BASP1: variants seen among roughly 807,000 people sequenced by gnomAD.
BASP1 encodes brain abundant membrane attached signal protein 1.
In BASP1, 1 loss-of-function variant was observed where a neutral mutation model predicts 2.2. The ratio of observed to expected loss-of-function variants is 0.46; its 90% CI spans 0.16 to 2.17. The LOEUF (loss-of-function observed/expected upper bound fraction) is 2.17. Ranked by LOEUF, BASP1 falls within the 30% of genes most tolerant of loss-of-function variation. The probability of loss-of-function intolerance (pLI) is 0.27; values close to 1 mark genes in which losing one functional copy is unlikely to be tolerated. For missense variants in BASP1, 352 were observed against 327.2 expected, an observed-to-expected ratio of 1.08 and a Z score of -0.58; for synonymous variants, 187 against 154.2, an observed-to-expected ratio of 1.21 and a Z score of -1.58.
intron 1 of BASP1, among the ~76,000 whole-genome samples, chr5:17,240,133 G>GATAAATAA (rs55977756): frequency 0.036 from 5,222 of 146,034 alleles, 100 homozygotes; most frequent in South Asian, 0.042. Flanking sequence ...TAAAAATAAA[G>GATAAATAA]ATAAATAAAT....
chr5:17,217,912 T>C (rs879383323), intron 1 of BASP1, 102 bp downstream of exon 1: 11 of 152,086 alleles, frequency 7.2e-5, no homozygotes, highest in Admixed American at 4.6e-4. Flanking sequence ...TCTCCCTTCA[T>C]GCAGCGGGCA....
At chr5:17,272,002 G>A (rs927824962) in intron 1 of BASP1, among the ~76,000 whole-genome samples, 1 of 151,126 alleles carries the variant, frequency 6.6e-6, no homozygotes, top group African/African-American at 2.4e-5. Context: ...GGAGGCGGAG[G>A]TTGCAGTGAG....
intron 1 of BASP1, among the ~76,000 whole-genome samples, chr5:17,222,430 CGCCTTTCCA>C (rs534023663): frequency 2.5e-4 from 38 of 152,300 alleles, no homozygotes; most frequent in African/African-American, 7.7e-4. Context: ...TTTTGTGAAA[CGCCTTTCCA>C]GCCACAGCCT....
At chr5:17,258,860 C>A (rs1740262228) in intron 1 of BASP1, among the ~76,000 whole-genome samples, 1 of 152,084 alleles carries the variant, frequency 6.6e-6, no homozygotes, top group Non-Finnish European at 1.5e-5. Context: ...AAGTGTGGAG[C>A]AGAAAGTGAG....
At chr5:17,238,568 C>A (rs535096284) in intron 1 of BASP1, among the ~76,000 whole-genome samples, 26 of 152,152 alleles carry the variant, frequency 1.7e-4, no homozygotes, top group Non-Finnish European at 3.5e-4. Flanking sequence ...CGCCTGATCC[C>A]CAGATAGTCT....
At chr5:17,271,253 C>G (rs569377714) in intron 1 of BASP1, among the ~76,000 whole-genome samples, 1 of 152,298 alleles carries the variant, frequency 6.6e-6, no homozygotes, top group South Asian at 2.1e-4. Context: ...TCCCCAGTAG[C>G]TGGGATGATA....
intron 1 of BASP1, among the ~76,000 whole-genome samples, chr5:17,235,936 T>A (rs1483366183): frequency 6.6e-6 from 1 of 152,228 alleles, no homozygotes. Flanking sequence ...TCTTTATGAA[T>A]CACTGCTTTA....
chr5:17,275,974 T>TC lies in BASP1; in HGVS notation c.*75dup, dbSNP rs1237083590. 7.9e-7 allele frequency: 1 copy of TC among 1,269,152 alleles called. No individual in the cohort carries two copies. The allele number at this position is 1,269,152 out of a possible 1,614,324, so 78.6% of individuals were successfully genotyped here. A position where few individuals can be genotyped will look rare whatever the true frequency, so the allele number is the denominator to read the frequency against. ...CTCTCTCTCTCTCTCTCTCTCTATCTCTCTCTCTATCTCCTCTCTCTCTCT... is the reference window on the plus strand; with the variant it reads ...CTCTCTCTCTCTCTCTCTCTCTATCTCCTCTCTCTATCTCCTCTCTCTCTCT... On this transcript the variant is annotated 3_prime_UTR_variant, in exon 2 of 2. Coordinates refer to ENST00000322611, the MANE Select transcript of BASP1 (RefSeq NM_006317.5). This position sits in a 1 kb window ranked among gnomAD's most constrained non-coding sequence, Gnocchi z 5.3.
At chr5:17,235,295 C>T (rs573716223) in intron 1 of BASP1, among the ~76,000 whole-genome samples, 4 of 149,940 alleles carry the variant, frequency 2.7e-5, no homozygotes, top group African/African-American at 9.8e-5. Context: ...GAGTCTCACT[C>T]TGTCACCCAG....
At chr5:17,266,627 T>C (rs1199917066) in intron 1 of BASP1, among the ~76,000 whole-genome samples, 1 of 151,998 alleles carries the variant, frequency 6.6e-6, no homozygotes, top group Admixed American at 6.6e-5. Flanking sequence ...GCCAACATGG[T>C]GAAACCCCGT....
chr5:17,245,694 A>G (rs2126503752), intron 1 of BASP1, among the ~76,000 whole-genome samples: 1 of 150,648 alleles, frequency 6.6e-6, no homozygotes, highest in South Asian at 2.1e-4. Flanking sequence ...TGTTTGGCTT[A>G]CTTTTTTAAA....
intron 1 of BASP1, among the ~76,000 whole-genome samples, chr5:17,237,929 A>G (rs1482548127): frequency 6.6e-6 from 1 of 152,028 alleles, no homozygotes; most frequent in African/African-American, 2.4e-5. Context: ...TTGCTTTCTA[A>G]AGTAAGATTA....
At chr5:17,246,782 G>A (rs1244524444) in intron 1 of BASP1, among the ~76,000 whole-genome samples, 1 of 152,222 alleles carries the variant, frequency 6.6e-6, no homozygotes, top group African/African-American at 2.4e-5. Context: ...TCTGTGGAAA[G>A]TCTTTTTGAA....
chr5:17,255,385 T>C (rs1030243076), intron 1 of BASP1, among the ~76,000 whole-genome samples: 1 of 152,212 alleles, frequency 6.6e-6, no homozygotes, highest in African/African-American at 2.4e-5. Flanking sequence ...AAAACTATAA[T>C]AAGTTCACTA....
intron 1 of BASP1, among the ~76,000 whole-genome samples, chr5:17,249,392 G>C (rs1039229259): frequency 1.3e-5 from 2 of 152,132 alleles, no homozygotes; most frequent in Admixed American, 1.3e-4. Flanking sequence ...GGCCTTCTGC[G>C]TGGTAGATCC....
intron 1 of BASP1, among the ~76,000 whole-genome samples, chr5:17,262,355 G>C (rs929677217): frequency 3.3e-5 from 5 of 152,130 alleles, no homozygotes; most frequent in Non-Finnish European, 5.9e-5. Context: ...TATCATGATG[G>C]CTAAGAAACC....
Position 17,275,394 on chromosome 5 carries a change from C to A in BASP1, c.178C>A (p.Gln60Lys). 1 of 1,583,398 alleles carries A rather than the reference C, an allele frequency of 6.3e-7. No homozygotes were observed. The highest frequency in any genetic ancestry group is 8.6e-7 in the Non-Finnish European group (1 of 1,165,672). ...EAKEGKEKPD[Q>K]DAEGKAEEKE... ...CAAGGAGGGCAAGGAGAAGCCCGAC[C>A]AGGACGCCGAGGGCAAGGCCGAGGA... Residue 60 changes from glutamine (Q) to lysine (K), a missense_variant, in exon 2 of 2, where the codon CAG (glutamine) becomes AAG (lysine). By Grantham distance (53) the Gln-to-Lys change is moderately conservative. Coordinates refer to ENST00000322611, the MANE Select transcript of BASP1 (RefSeq NM_006317.5). This position sits in a 1 kb window ranked among gnomAD's most constrained non-coding sequence, Gnocchi z 5.3.
chr5:17,263,862 A>C (rs1387361111), intron 1 of BASP1, among the ~76,000 whole-genome samples: 1 of 152,254 alleles, frequency 6.6e-6, no homozygotes, highest in Non-Finnish European at 1.5e-5. Flanking sequence ...AGGTTTACCT[A>C]GAAACTTAGA....
At chr5:17,259,622 T>C (rs1257623468) in intron 1 of BASP1, among the ~76,000 whole-genome samples, 1 of 152,156 alleles carries the variant, frequency 6.6e-6, no homozygotes, top group Non-Finnish European at 1.5e-5. Context: ...CCAAAAAAAA[T>C]TGATACATGA....
Sources: gnomAD v4.1 joint callset for allele counts (sites outside exome capture counted in the v4.1 genomes callset) on GRCh38, gnomAD v4.1.1 for gene constraint, Gnocchi (gnomAD v3.1) non-coding constraint, MANE v1.5 for transcripts, NCBI Gene and HGNC (gene_info 2026-07-23, HGNC 2026-07-21) for gene names.